Variants in IFT81 observed in about 807,000 individuals in gnomAD.
IFT81 encodes intraflagellar transport protein 81 homolog.
In IFT81, 72 loss-of-function variants were observed where a neutral mutation model predicts 102.6. The observed-to-expected ratio is 0.70, with a 90% CI of 0.58 to 0.85. The LOEUF (loss-of-function observed/expected upper bound fraction) is 0.85. Ranked by LOEUF, IFT81 falls within the 40% of genes least tolerant of loss-of-function variation. IFT81 has a pLI of 0.00. For synonymous variants in IFT81, 237 were observed against 242.7 expected (o/e 0.98, Z 0.22); for missense variants, 723 against 787.3 (o/e 0.92, Z 0.98).
intron 18 of IFT81, among the ~76,000 whole-genome samples, chr12:110,213,630 TCTC>T (rs1363137500): frequency 6.6e-6 from 1 of 152,198 alleles, no homozygotes; most frequent in African/African-American, 2.4e-5. Flanking sequence ...AAGAGCAACT[TCTC>T]CTTATCTTCT....
At chr12:110,169,082 TCTCTCTCTC>T (rs1896611134) in intron 11 of IFT81, 5 of 140,032 alleles carry the variant, frequency 3.6e-5, no homozygotes, top group South Asian at 2.3e-4. Context: ...CCTTCCTTCC[TCTCTCTCTC>T]TCTTTCTTTC....
intron 11 of IFT81, among the ~76,000 whole-genome samples, chr12:110,167,326 A>G (rs1433573105): frequency 1.3e-5 from 2 of 152,210 alleles, no homozygotes; most frequent in East Asian, 3.8e-4. Context: ...CTTATCTGCC[A>G]GAGTTCTGAC....
At chr12:110,179,773 T>TATACACACACAC (rs774113734) in intron 11 of IFT81, among the ~76,000 whole-genome samples, 12 of 50,448 alleles carry the variant, frequency 2.4e-4, no homozygotes, top group South Asian at 1.3e-3. Flanking sequence ...TATATATATA[T>TATACACACACAC]ACACACACAC....
chr12:110,174,063 G>T (rs1331862283), intron 11 of IFT81, among the ~76,000 whole-genome samples: 4 of 151,674 alleles, frequency 2.6e-5, no homozygotes, highest in African/African-American at 4.8e-5. Flanking sequence ...GGATCATGAG[G>T]TCAGGAGATC....
chr12:110,160,542 T>G (rs1896078652), intron 10 of IFT81, among the ~76,000 whole-genome samples: 1 of 152,188 alleles, frequency 6.6e-6, no homozygotes, highest in Non-Finnish European at 1.5e-5. Context: ...TGGAAGCTGA[T>G]TGGATGGTGC....
At position 110,132,151 on chromosome 12, in the gene IFT81, G is replaced by A. The variant is rs185541080; in HGVS notation, c.430-396G>A. On this transcript the variant is annotated intron_variant, in intron 4 of 18. Coordinates refer to ENST00000242591, the MANE Select transcript of IFT81 (RefSeq NM_014055.4). ...ACAATGACTTAAGTAATCGCTGTAA[G>A]TTAATAGATAACCTGATTAAGAAAA... 7.5e-4 allele frequency among the ~76,000 whole-genome samples: 114 copies of A among 152,266 alleles called. 1 individual carries two copies. The highest frequency in any genetic ancestry group is 6.9e-3 in the Admixed American group (106 of 15,276).
At chr12:110,197,248 G>GTAGA (rs57797208) in intron 14 of IFT81, among the ~76,000 whole-genome samples, 9,801 of 147,078 alleles carry the variant, frequency 0.067, 388 homozygotes, top group South Asian at 0.1. Context: ...AGGTAGGTAG[G>GTAGA]TAGATAGATA....
intron 11 of IFT81, among the ~76,000 whole-genome samples, chr12:110,175,587 T>C (rs2137495818): frequency 6.6e-6 from 1 of 152,370 alleles, no homozygotes; most frequent in Middle Eastern, 3.4e-3. Context: ...ACTCGTCCTT[T>C]AACAGATAGT....
At chr12:110,133,612 G>A (rs908046862) in intron 5 of IFT81, among the ~76,000 whole-genome samples, 2 of 152,124 alleles carry the variant, frequency 1.3e-5, no homozygotes, top group Non-Finnish European at 2.9e-5. Flanking sequence ...GGGTGACAGA[G>A]TGAGAACTTG....
rs372304888 is a variant in IFT81 at position 110,132,529 on chromosome 12, C to T, written c.430-18C>T. The T allele has an allele frequency of 4.7e-6, 5 of 1,069,862 alleles. No individual in the cohort carries two copies. The highest frequency in any genetic ancestry group is 6.9e-6 in the Non-Finnish European group (5 of 728,218). The allele number at this position is 1,069,862 out of a possible 1,614,324, so 66.3% of individuals were successfully genotyped here. A position where few individuals can be genotyped will look rare whatever the true frequency, so the allele number is the denominator to read the frequency against. Reference sequence around the variant, plus strand: ...GGATCTAGTTATTAGTTTATAATTTCTTAACTTATTCTTCTAGTATGAAGA... The same window carrying T: ...GGATCTAGTTATTAGTTTATAATTTTTTAACTTATTCTTCTAGTATGAAGA... On this transcript the variant is annotated intron_variant, in intron 4 of 18. Coordinates refer to ENST00000242591, the MANE Select transcript of IFT81 (RefSeq NM_014055.4).
intron 16 of IFT81, 30 bp from the exon 17 acceptor site, chr12:110,205,565 C>G: frequency 6.3e-7 from 1 of 1,587,626 alleles, no homozygotes. Flanking sequence ...ATATCAAAGT[C>G]TTCCCTAAAA....
In IFT81 at chr12:110,218,248, G is replaced by T; in HGVS notation, c.*22G>T. On this transcript the variant is annotated 3_prime_UTR_variant, in exon 19 of 19. Coordinates refer to ENST00000242591, the MANE Select transcript of IFT81 (RefSeq NM_014055.4). ...GTGAATTCTTGTGTCATCGTTTGGG[G>T]TTTTACTTGATACCACTAGCTATAA... 1 of 1,491,080 alleles carries T rather than the reference G, an allele frequency of 6.7e-7. No individual in the cohort carries two copies. Among genetic ancestry groups the T allele is most frequent in the South Asian group, 1.4e-5 (1 of 70,244 alleles). The allele number at this position is 1,491,080 out of a possible 1,614,324, so 92.4% of individuals were successfully genotyped here. A position where few individuals can be genotyped will look rare whatever the true frequency, so the allele number is the denominator to read the frequency against.
At chr12:110,194,624 A>G (rs1316868024) in intron 14 of IFT81, among the ~76,000 whole-genome samples, 1 of 152,148 alleles carries the variant, frequency 6.6e-6, no homozygotes, top group Non-Finnish European at 1.5e-5. Flanking sequence ...TCAATGAAAT[A>G]TCTATTATTT....
At chr12:110,167,513 A>C (rs1896505225) in intron 11 of IFT81, among the ~76,000 whole-genome samples, 1 of 152,148 alleles carries the variant, frequency 6.6e-6, no homozygotes, top group Non-Finnish European at 1.5e-5. Context: ...TGCTAACATA[A>C]CTGAAAATAA....
intron 1 of IFT81, among the ~76,000 whole-genome samples, chr12:110,126,500 A>G (rs1055530808): frequency 5.9e-5 from 9 of 152,102 alleles, no homozygotes; most frequent in Non-Finnish European, 1.0e-4. Flanking sequence ...CAGTCATTTT[A>G]GGCAGAGAAA....
intron 11 of IFT81, among the ~76,000 whole-genome samples, chr12:110,167,387 A>T (rs1896498326): frequency 6.6e-6 from 1 of 152,186 alleles, no homozygotes; most frequent in African/African-American, 2.4e-5. Flanking sequence ...GTGATAAAAG[A>T]TACATTTTCC....
rs561150906 is a variant in IFT81, at chr12:110,212,808, G to T, written c.1848+3592G>T. ...GCAGAGATCACACCATTGCACTCCA[G>T]CCTGGGAAACAAGAGCAAAACTCCA... On this transcript the variant is annotated intron_variant, in intron 18 of 18. Transcript: ENST00000242591. 2.3e-3 allele frequency among the ~76,000 whole-genome samples: 346 copies of T among 152,056 alleles called. 2 individuals carry two copies. Among genetic ancestry groups the T allele is most frequent in the Non-Finnish European group, 3.9e-3 (263 of 67,998 alleles).
chr12:110,173,211 G>A (rs1243041291), intron 11 of IFT81, among the ~76,000 whole-genome samples: 1 of 149,368 alleles, frequency 6.7e-6, no homozygotes, highest in South Asian at 2.1e-4. Flanking sequence ...CCGGGAGGGA[G>A]GTGGGGGTTC....
intron 11 of IFT81, among the ~76,000 whole-genome samples, chr12:110,179,724 TTATATATATATATA>T (rs751481208): frequency 0.02 from 951 of 48,670 alleles, 27 homozygotes; most frequent in South Asian, 0.064. Flanking sequence ...TATCTCGAAA[TTATATATATATATA>T]TATATATATA....
Sources: allele counts gnomAD v4.1 joint callset (sites outside exome capture counted in the v4.1 genomes callset), GRCh38; gene constraint gnomAD v4.1.1; transcripts MANE v1.5; gene names NCBI Gene and HGNC (gene_info 2026-07-23, HGNC 2026-07-21).